Variants in SCAPER observed in about 807,000 individuals in gnomAD.
SCAPER encodes S phase cyclin A-associated protein in the endoplasmic reticulum.
In SCAPER, 98 loss-of-function variants were observed where a neutral mutation model predicts 182.2. That is an observed-to-expected ratio of 0.54 (90% CI 0.46 to 0.64). The LOEUF is 0.64. Ranked by LOEUF, SCAPER falls within the 30% of genes least tolerant of loss-of-function variation. The probability of loss-of-function intolerance (pLI) is 0.00; values close to 1 mark genes in which losing one functional copy is unlikely to be tolerated. For missense variants in SCAPER, 1,432 were observed against 1,690.0 expected (o/e 0.85, Z 2.68); for synonymous variants, 605 against 564.6 (o/e 1.07, Z -1.01).
chr15:76,841,622 G>A lies in SCAPER; in HGVS notation c.393+112C>T, dbSNP rs2069489775. 8 of 1,092,184 alleles carry A rather than the reference G, an allele frequency of 7.3e-6. No homozygotes were observed. The East Asian group carries it at 2.1e-4, about 28-fold the overall frequency. 67.7% of individuals were successfully genotyped at this position (1,092,184 alleles called of 1,614,324 possible). ...AGATCGCGTCACTACACTCCAGCCT[G>A]GGCGACAGAGCAAAACTCCATCTCA... On this transcript the variant is annotated intron_variant, in intron 5 of 31. Coordinates refer to ENST00000563290, the MANE Select transcript of SCAPER (RefSeq NM_020843.4).
At chr15:76,754,041 C>G (rs2062258052) in intron 14 of SCAPER, 93 bp from the exon 15 acceptor site, 1 of 1,347,448 alleles carries the variant, frequency 7.4e-7, no homozygotes, top group East Asian at 2.3e-5. Flanking sequence ...AATATAAACT[C>G]TAAGCGTGGA....
At chr15:76,490,259 G>C (rs67232575) in intron 24 of SCAPER, among the ~76,000 whole-genome samples, 60,669 of 152,022 alleles carry the variant, frequency 0.4, 14,337 homozygotes, top group Middle Eastern at 0.55. Flanking sequence ...GGATTCCAAC[G>C]AAGAGTGTAC....
chr15:76,671,138 G>C (rs192836591), intron 20 of SCAPER, among the ~76,000 whole-genome samples: 2 of 151,652 alleles, frequency 1.3e-5, no homozygotes, highest in African/African-American at 4.8e-5. Context: ...CCAGGAGTTC[G>C]AGATCAACCT....
rs2059441793 is a variant in SCAPER, at chr15:76,709,371, T to C, written c.2166-3387A>G. On this transcript the variant is annotated intron_variant, in intron 17 of 31. Transcript: ENST00000563290. The stretch of plus-strand genomic sequence containing the variant: ...GGATGGTCTCCATCTCTTGACCTCA[T>C]GATCCACACGCCTTGGCCTCCCAAA... Among the ~76,000 whole-genome samples the C allele has an allele frequency of 3.3e-5, 5 of 152,162 alleles. No individual in the cohort carries two copies. The South Asian group carries it at 1.0e-3, about 32-fold the overall frequency.
At chr15:76,435,691 T>G (rs1159025499) in intron 25 of SCAPER, among the ~76,000 whole-genome samples, 3 of 152,254 alleles carry the variant, frequency 2.0e-5, no homozygotes, top group African/African-American at 7.2e-5. Flanking sequence ...CATTTTGAGA[T>G]TCTGCATGTT....
intron 2 of SCAPER, among the ~76,000 whole-genome samples, chr15:76,872,605 A>G (rs1016763896): frequency 1.3e-4 from 20 of 151,996 alleles, no homozygotes; most frequent in Admixed American, 3.9e-4. Context: ...CTAATCTAGT[A>G]TAATAATATA....
At chr15:76,484,024 C>T (rs1213546891) in intron 24 of SCAPER, among the ~76,000 whole-genome samples, 1 of 152,154 alleles carries the variant, frequency 6.6e-6, no homozygotes, top group Non-Finnish European at 1.5e-5. Flanking sequence ...CTTATATCTA[C>T]ACAAAAGACT....
intron 25 of SCAPER, among the ~76,000 whole-genome samples, chr15:76,454,048 C>T (rs1439913457): frequency 6.7e-6 from 1 of 150,310 alleles, no homozygotes; most frequent in Non-Finnish European, 1.5e-5. Flanking sequence ...GTCCTATTAT[C>T]ACTGACTTAG....
At chr15:76,804,678 T>G (rs575539547) in intron 5 of SCAPER, 45 bp from the exon 6 acceptor site, 2 of 1,270,698 alleles carry the variant, frequency 1.6e-6, no homozygotes, top group African/African-American at 1.5e-5. Context: ...AGTCTGAGAC[T>G]AAAAACTTTG....
intron 8 of SCAPER, among the ~76,000 whole-genome samples, chr15:76,793,933 C>T (rs1028430350): frequency 6.6e-6 from 1 of 152,162 alleles, no homozygotes; most frequent in African/African-American, 2.4e-5. Flanking sequence ...AAATTGAATT[C>T]GAGGACAACC....
intron 21 of SCAPER, among the ~76,000 whole-genome samples, chr15:76,650,951 G>C (rs1320830264): frequency 6.6e-6 from 1 of 151,940 alleles, no homozygotes; most frequent in African/African-American, 2.4e-5. Context: ...AGTCAAATTA[G>C]AAATATTTTG....
intron 8 of SCAPER, among the ~76,000 whole-genome samples, chr15:76,785,781 A>T (rs2064544020): frequency 6.6e-6 from 1 of 152,152 alleles, no homozygotes; most frequent in Admixed American, 6.5e-5. Context: ...ACAAGGACAG[A>T]AACCAAACAC....
At chr15:76,524,280 G>A (rs762543965) in intron 23 of SCAPER, among the ~76,000 whole-genome samples, 5 of 152,106 alleles carry the variant, frequency 3.3e-5, no homozygotes, top group Admixed American at 2.6e-4. Flanking sequence ...AGAATGGAGA[G>A]CCATGGTAGA....
At chr15:76,838,259 A>T (rs1013231499) in intron 5 of SCAPER, among the ~76,000 whole-genome samples, 5 of 152,206 alleles carry the variant, frequency 3.3e-5, no homozygotes, top group African/African-American at 1.2e-4. Flanking sequence ...AGGAACACGG[A>T]TGCAGCTGGA....
intron 28 of SCAPER, chr15:76,380,937 A>C (rs958021193): frequency 6.6e-6 from 1 of 152,526 alleles, no homozygotes; most frequent in Admixed American, 6.5e-5. Context: ...TTTACGTAAG[A>C]AACCATTACT....
intron 3 of SCAPER, among the ~76,000 whole-genome samples, chr15:76,860,433 C>A (rs2071781597): frequency 6.6e-6 from 1 of 152,030 alleles, no homozygotes; most frequent in Non-Finnish European, 1.5e-5. Context: ...CTAAAAATAG[C>A]TAGGAAAACT....
intron 21 of SCAPER, among the ~76,000 whole-genome samples, chr15:76,664,630 A>C (rs2056432989): frequency 6.6e-6 from 1 of 152,186 alleles, no homozygotes; most frequent in Non-Finnish European, 1.5e-5. Flanking sequence ...AACATTAAAA[A>C]TAGACAGGTT....
chr15:76,354,469 A>C lies in SCAPER; in HGVS notation c.3856-329T>G. ...ATTGCTTTAACAAAGTGCTCCCCAC[A>C]CCCCCTTAAAGCAGAGTAGTCATAT... On this transcript the variant is annotated intron_variant, in intron 29 of 31. Coordinates refer to ENST00000563290, the MANE Select transcript of SCAPER (RefSeq NM_020843.4). The surrounding 1 kb of genome is among the most constrained non-coding windows in gnomAD (Gnocchi z 4.4). 1 of 247,192 alleles carries C rather than the reference A, an allele frequency of 4.0e-6. No individual in the cohort carries two copies. The highest frequency in any genetic ancestry group is 7.7e-6 in the Non-Finnish European group (1 of 130,030). The allele number at this position is 247,192 out of a possible 1,614,324, so 15.3% of individuals were successfully genotyped here. A position where few individuals can be genotyped will look rare whatever the true frequency, so the allele number is the denominator to read the frequency against.
intron 25 of SCAPER, among the ~76,000 whole-genome samples, chr15:76,453,377 G>C (rs2048509096): frequency 6.6e-6 from 1 of 152,130 alleles, no homozygotes; most frequent in Non-Finnish European, 1.5e-5. Context: ...CTAATTAGTT[G>C]TCATGTCTCT....
Sources: gnomAD v4.1 joint callset for allele counts (sites outside exome capture counted in the v4.1 genomes callset) on GRCh38, gnomAD v4.1.1 for gene constraint, Gnocchi (gnomAD v3.1) non-coding constraint, MANE v1.5 for transcripts, NCBI Gene and HGNC (gene_info 2026-07-23, HGNC 2026-07-21) for gene names.